Variants in LRP1 observed in about 807,000 individuals in gnomAD.
LRP1 encodes the protein prolow-density lipoprotein receptor-related protein 1.
A neutral mutation model predicts 541.5 loss-of-function variants in LRP1; 51 were observed. The observed-to-expected ratio is 0.09, with a 90% CI of 0.08 to 0.12. The LOEUF (loss-of-function observed/expected upper bound fraction) is 0.12, where lower values mean the gene tolerates loss of function less well. Ranked by LOEUF, LRP1 falls within the 10% of genes least tolerant of loss-of-function variation. The pLI, the probability that LRP1 is intolerant of heterozygous loss-of-function variation, is 1.00. For missense variants in LRP1, 3,878 were observed against 6,376.2 expected (o/e 0.61, Z 13.34); for synonymous variants, 2,219 against 2,470.8 (o/e 0.90, Z 3.02).
chr12:57,202,091 C>G (rs1176358421), intron 67 of LRP1, 186 bp downstream of exon 67: 4 of 721,060 alleles, frequency 5.5e-6, no homozygotes, highest in Non-Finnish European at 9.2e-6. Context: ...CCACATCCAC[C>G]CGTGCCCCAT....
Position 57,185,818 on chromosome 12 carries a change from A to T in LRP1, c.6751A>T (p.Thr2251Ser), listed in dbSNP as rs749184845. ...CTACCGGGCAGGCACCTCTCCGGGC[A>T]CCCCCAATCGCATCTTCTTCAGCGA... is the stretch of plus-strand genomic sequence containing the variant. ...FDYRAGTSPG[T>S]PNRIFFSDIH... is the part of the protein sequence containing the mutation. Residue 2251 changes from threonine (T) to serine (S), a missense_variant, in exon 41 of 89, where the codon ACC (threonine) becomes TCC (serine). By Grantham distance (58) the Thr-to-Ser change is moderately conservative (BLOSUM62 1). Coordinates refer to ENST00000243077, the MANE Select transcript of LRP1 (RefSeq NM_002332.3). The surrounding 1 kb of genome is among the most constrained non-coding windows in gnomAD (Gnocchi z 4.9). 1.2e-6 allele frequency: 2 copies of T among 1,613,960 alleles called. No individual in the cohort carries two copies. The highest frequency in any genetic ancestry group is 2.7e-5 in the African/African-American group (2 of 74,880).
intron 47 of LRP1, 43 bp from the exon 48 acceptor site, chr12:57,193,856 G>C (rs769462979): frequency 5.0e-6 from 8 of 1,602,248 alleles, no homozygotes; most frequent in South Asian, 1.1e-5. Context: ...GGCCCCCACA[G>C]AGAAAACTCT....
rs2035825661 is a variant in LRP1 at position 57,165,776 on chromosome 12, T to C, written c.2531-29T>C. 1 of 1,602,076 alleles carries C rather than the reference T, an allele frequency of 6.2e-7. No individual in the cohort carries two copies. On this transcript the variant is annotated intron_variant, in intron 15 of 88. Transcript: ENST00000243077. The surrounding 1 kb of genome is among the most constrained non-coding windows in gnomAD (Gnocchi z 4.5). The stretch of plus-strand genomic sequence containing the variant: ...TTGTCCCACGACCGGGGTCTGACTT[T>C]CCCCCTCACGATCCTGTGGTGCCCA...
rs1413660703 is a variant in LRP1, at chr12:57,206,429, C to T, written c.11591-44C>T. On this transcript the variant is annotated intron_variant, in intron 75 of 88. Transcript: ENST00000243077. The surrounding 1 kb of genome is among the most constrained non-coding windows in gnomAD (Gnocchi z 4.7). ...AAGGAGCTGAGCTGGGTGGGGTGCA[C>T]ACCTGCATCCCACAGCCCCAGCCCT... The T allele has an allele frequency of 1.3e-6, 2 of 1,594,248 alleles. No individual in the cohort carries two copies. The highest frequency in any genetic ancestry group is 1.7e-6 in the Non-Finnish European group (2 of 1,165,490).
In LRP1 at chr12:57,139,917, A is replaced by G. The variant is rs190895112; in HGVS notation, c.190+1336A>G. On this transcript the variant is annotated intron_variant, in intron 2 of 88. Coordinates refer to ENST00000243077, the MANE Select transcript of LRP1 (RefSeq NM_002332.3). ...ATACACTCTCACTACCTACCGCTGCATGCTATACAGCCACACCATCAGTTG... is the reference window on the plus strand; with the variant it reads ...ATACACTCTCACTACCTACCGCTGCGTGCTATACAGCCACACCATCAGTTG... 3.9e-5 allele frequency among the ~76,000 whole-genome samples: 6 copies of G among 152,334 alleles called. No homozygotes were observed. In the East Asian group the frequency reaches 9.6e-4, roughly 24 times the overall value.
At position 57,179,562 on chromosome 12, in the gene LRP1, T is replaced by C; in HGVS notation, c.4966+6T>C. On this transcript the variant is annotated splice_donor_region_variant and intron_variant, in intron 29 of 88. Coordinates refer to ENST00000243077, the MANE Select transcript of LRP1 (RefSeq NM_002332.3). The surrounding 1 kb of genome is among the most constrained non-coding windows in gnomAD (Gnocchi z 6.8). Reference sequence around the variant, plus strand: ...GGAGACAGTCGTCTCTGCAGGTTCTTCCTGGCCCTGGATGCCCACCAGTGG... The same window carrying C: ...GGAGACAGTCGTCTCTGCAGGTTCTCCCTGGCCCTGGATGCCCACCAGTGG... The C allele has an allele frequency of 1.2e-6, 2 of 1,612,796 alleles. No homozygotes were observed. The highest frequency in any genetic ancestry group is 1.7e-6 in the Non-Finnish European group (2 of 1,179,166).
Position 57,212,659 on chromosome 12 carries a change from G to T in LRP1, c.*104G>T, listed in dbSNP as rs749878044. ...CAGCCCTTCCCTGGCCCCGCCGGAT[G>T]TATAAATGTAAAAATGAAGGAATTA... On this transcript the variant is annotated 3_prime_UTR_variant, in exon 89 of 89. Transcript: ENST00000243077. The surrounding 1 kb of genome is among the most constrained non-coding windows in gnomAD (Gnocchi z 5.0). The T allele has an allele frequency of 1.1e-4, 130 of 1,196,030 alleles. 1 individual carries two copies. Among genetic ancestry groups the T allele is most frequent in the Non-Finnish European group, 1.4e-4 (119 of 865,190 alleles). 74.1% of individuals were successfully genotyped at this position (1,196,030 alleles called of 1,614,324 possible).
intron 1 of LRP1, among the ~76,000 whole-genome samples, chr12:57,132,998 G>C (rs528981813): frequency 6.6e-6 from 1 of 152,312 alleles, no homozygotes; most frequent in South Asian, 2.1e-4. Context: ...TTGGGGAATG[G>C]GTTTTGGAGA....
Position 57,175,934 on chromosome 12 carries a change from C to T in LRP1, c.3819C>T (p.Phe1273=). 1.2e-6 allele frequency: 2 copies of T among 1,614,218 alleles called. No individual in the cohort carries two copies. The highest frequency in any genetic ancestry group is 1.7e-6 in the Non-Finnish European group (2 of 1,180,052). ...SLDPFKPFII[F]SNRHEIRRID... is the part of the protein sequence containing the mutation. ...ACCCCTTCAAGCCGTTCATCATTTT[C>T]TCCAACCGCCATGAAATCCGGCGCA... Residue 1273 remains phenylalanine (F), a synonymous_variant, in exon 24 of 89, where the codon TTC becomes TTT. Coordinates refer to ENST00000243077, the MANE Select transcript of LRP1 (RefSeq NM_002332.3).
Position 57,208,104 on chromosome 12 carries a change from G to A in LRP1, c.11926G>A (p.Asp3976Asn), listed in dbSNP as rs768055016. 5 of 1,614,198 alleles carry A rather than the reference G, an allele frequency of 3.1e-6. No homozygotes were observed. The highest frequency in any genetic ancestry group is 3.4e-6 in the Non-Finnish European group (4 of 1,180,034). ...DWVAGNVYWT[D>N]SGRDVIEVAQ... is the part of the protein sequence containing the mutation. The stretch of plus-strand genomic sequence containing the variant: ...GGTGGCCGGAAACGTGTACTGGACC[G>A]ACTCGGGCCGAGATGTGATTGAGGT... Residue 3976 changes from aspartate to asparagine, a missense_variant, in exon 77 of 89, where the codon GAC (aspartate) becomes AAC (asparagine). Asp to Asn is a conservative substitution (Grantham distance 23). Transcript: ENST00000243077.
intron 6 of LRP1, among the ~76,000 whole-genome samples, chr12:57,150,797 G>A (rs955861429): frequency 3.9e-5 from 6 of 152,198 alleles, no homozygotes; most frequent in Non-Finnish European, 8.8e-5. Flanking sequence ...GAGACTCAGA[G>A]GCATTAAGTA....
chr12:57,191,916 A>G (rs1312453239), intron 44 of LRP1, among the ~76,000 whole-genome samples: 27 of 692 alleles, frequency 0.039, no homozygotes, highest in East Asian at 0.14. Context: ...ACACCACCAC[A>G]CACACTACAC....
Position 57,197,800 on chromosome 12 carries a change from G to A in LRP1, c.9282+136G>A, listed in dbSNP as rs2036570003. 9.9e-7 allele frequency: 1 copy of A among 1,013,434 alleles called. No individual in the cohort carries two copies. The highest frequency in any genetic ancestry group is 1.6e-5 in the African/African-American group (1 of 61,496). 62.8% of individuals were successfully genotyped at this position (1,013,434 alleles called of 1,614,324 possible). A position where few individuals can be genotyped will look rare whatever the true frequency, so the allele number is the denominator to read the frequency against. ...AGTCACTATATGACTGCTTGTTCTA[G>A]CTGCTCACTCTCCTCTGGGCCCAGA... On this transcript the variant is annotated intron_variant, in intron 58 of 88. Transcript: ENST00000243077. The surrounding 1 kb of genome is among the most constrained non-coding windows in gnomAD (Gnocchi z 4.5).
At chr12:57,163,393 A>G (rs2136684351) in intron 15 of LRP1, among the ~76,000 whole-genome samples, 1 of 152,320 alleles carries the variant, frequency 6.6e-6, no homozygotes, top group Admixed American at 6.5e-5. Context: ...AGCCTGGTCA[A>G]CAAGGCAAAA....
rs2035723266 is a variant in LRP1, at chr12:57,161,098, A to G, written c.2185A>G (p.Asn729Asp). The change falls in exon 13 of 89, where the codon AAT (asparagine) becomes GAT (aspartate). Residue 729 changes from asparagine (N) to aspartate (D), a missense_variant. Physicochemically the swap from Asn to Asp is conservative, Grantham distance 23. Around this residue, in one of 13 missense-constraint regions of LRP1, gnomAD observed 496 missense variants for 861.0 expected, o/e 0.58. Transcript: ENST00000243077. ...CGACCGCATCGAGACGATACTGCTC[A>G]ATGGCACAGACCGGAAGGTGGGCAG... ...FYDRIETILLNGTDRKIVYEG... is the reference protein window; with the variant it reads ...FYDRIETILLDGTDRKIVYEG... 2.5e-6 allele frequency: 4 copies of G among 1,613,264 alleles called. No individual in the cohort carries two copies. Among genetic ancestry groups the G allele is most frequent in the Non-Finnish European group, 1.7e-6 (2 of 1,180,004 alleles).
At chr12:57,142,563 G>A (rs755741636) in intron 3 of LRP1, among the ~76,000 whole-genome samples, 2 of 152,076 alleles carry the variant, frequency 1.3e-5, no homozygotes, top group Admixed American at 6.6e-5. Context: ...ATGACCACGC[G>A]CACCCCTTCC....
At position 57,211,327 on chromosome 12, in the gene LRP1, G is replaced by A; in HGVS notation, c.13068G>A (p.Lys4356=). ...RCLEGACVVN[K]QSGDVTCNCT... The stretch of plus-strand genomic sequence containing the variant: ...TCGAAGGGGCCTGTGTGGTCAACAA[G>A]CAGAGTGGGGATGTCACCTGCAAGT... Residue 4356 remains lysine (K), a synonymous_variant, in exon 84 of 89, where the codon AAG becomes AAA. Coordinates refer to ENST00000243077, the MANE Select transcript of LRP1 (RefSeq NM_002332.3). This position sits in a 1 kb window ranked among gnomAD's most constrained non-coding sequence, Gnocchi z 4.3. 1 of 1,614,064 alleles carries A rather than the reference G, an allele frequency of 6.2e-7. No homozygotes were observed. Among genetic ancestry groups the A allele is most frequent in the South Asian group, 1.1e-5 (1 of 91,088 alleles).
rs2136754569 is a variant in LRP1, at chr12:57,209,173, C to T, written c.12236C>T (p.Pro4079Leu). The change falls in exon 79 of 89, where the codon CCC (proline) becomes CTC (leucine). Residue 4079 changes from proline to leucine, a missense_variant. Physicochemically the swap from Pro to Leu is moderately conservative, Grantham distance 98 (BLOSUM62 -3). Around this residue, in one of 13 missense-constraint regions of LRP1, gnomAD observed 871 missense variants for 1,212.4 expected, o/e 0.72. Coordinates refer to ENST00000243077, the MANE Select transcript of LRP1 (RefSeq NM_002332.3). ...IGSIRLNGTD[P>L]IVAADSKRGL... is the part of the protein sequence containing the mutation. ...AGCATCCGGCTCAATGGCACGGACC[C>T]CATTGTGGCTGCTGACAGCAAACGA... 6 of 1,614,016 alleles carry T rather than the reference C, an allele frequency of 3.7e-6. No homozygotes were observed. In the East Asian group the frequency reaches 1.3e-4, roughly 36 times the overall value.
chr12:57,135,576 C>T (rs2136651861), intron 1 of LRP1, among the ~76,000 whole-genome samples: 1 of 152,324 alleles, frequency 6.6e-6, no homozygotes. Context: ...CTGGGCCCTT[C>T]AACACCAGCC....
Sources: allele counts gnomAD v4.1 joint callset (sites outside exome capture counted in the v4.1 genomes callset), GRCh38; gene constraint gnomAD v4.1.1; regional missense constraint gnomAD v4.1.1; non-coding constraint Gnocchi (gnomAD v3.1); transcripts MANE v1.5; gene names NCBI Gene and HGNC (gene_info 2026-07-23, HGNC 2026-07-21).